P2RX5: variants seen among roughly 807,000 people sequenced by gnomAD.
P2RX5 encodes the protein P2X purinoceptor 5.
A neutral mutation model predicts 54.1 loss-of-function variants in P2RX5; 46 were observed. The observed-to-expected ratio is 0.85, with a 90% CI of 0.67 to 1.09. The LOEUF is 1.09. Ranked by LOEUF, P2RX5 falls within the 50% of genes least tolerant of loss-of-function variation. The probability of loss-of-function intolerance (pLI) is 0.00; values close to 1 mark genes in which losing one functional copy is unlikely to be tolerated. For synonymous variants in P2RX5, 226 were observed against 226.4 expected (o/e 1.00, Z 0.02); for missense variants, 566 against 549.8 (o/e 1.03, Z -0.29).
the P2RX5 span, chr17:3,720,318 G>A: frequency 6.4e-7 from 1 of 1,552,598 alleles, no homozygotes; most frequent in African/African-American, 1.4e-5. Context: ...TTAGTTCTGT[G>A]GTTCTCTGCA....
the P2RX5 span, chr17:3,717,762 A>G: frequency 1.3e-5 from 2 of 152,198 alleles, no homozygotes; most frequent in Non-Finnish European, 2.9e-5. Context: ...TTCCAGTCCT[A>G]TTTAGCTCAT....
chr17:3,683,597 G>C (rs1478795056), intron 9 of P2RX5, among the ~76,000 whole-genome samples: 1 of 152,190 alleles, frequency 6.6e-6, no homozygotes, highest in Non-Finnish European at 1.5e-5. Flanking sequence ...GGGCGCGGTG[G>C]CGCACGCCTG....
Position 3,680,958 on chromosome 17 carries a change from A to T in P2RX5, c.1064+938T>A, listed in dbSNP as rs1372225703. 1.3e-4 allele frequency among the ~76,000 whole-genome samples: 9 copies of T among 71,174 alleles called. 1 individual carries two copies. The highest frequency in any genetic ancestry group is 1.4e-4 in the Non-Finnish European group (5 of 35,906). The allele number at this position is 71,174 out of a possible 152,430, so 46.7% of individuals were successfully genotyped here. On this transcript the variant is annotated intron_variant, in intron 10 of 11. Coordinates refer to ENST00000225328, the MANE Select transcript of P2RX5 (RefSeq NM_002561.4). ...ATCCTCCACCCTGCGTCCTCCACCC[A>T]GCGTCCTCCACCCTGCATCCTCCAC...
intron 1 of P2RX5, 137 bp downstream of exon 1, chr17:3,695,732 C>T (rs1472131651): frequency 9.7e-7 from 1 of 1,027,834 alleles, no homozygotes; most frequent in African/African-American, 1.6e-5. Flanking sequence ...ACCCCCACAG[C>T]AAGCAGGCTC....
the P2RX5 span, among the ~76,000 whole-genome samples, chr17:3,719,734 T>G: frequency 6.6e-6 from 1 of 152,184 alleles, no homozygotes; most frequent in Non-Finnish European, 1.5e-5. Context: ...TTTATTTATT[T>G]ATTTATTTTT....
chr17:3,695,824 G>T (rs1190712987), intron 1 of P2RX5, 45 bp downstream of exon 1: 9 of 820,386 alleles, frequency 1.1e-5, no homozygotes, highest in African/African-American at 1.7e-5. Flanking sequence ...GCTGGCACCC[G>T]CCCTGCCCCT....
At chr17:3,693,192 A>C (rs12450224) in intron 1 of P2RX5, among the ~76,000 whole-genome samples, 56,749 of 150,524 alleles carry the variant, frequency 0.38, 11,142 homozygotes, top group Non-Finnish European at 0.43. Context: ...TGAAAAGATG[A>C]CAAACACCAT....
intron 9 of P2RX5, among the ~76,000 whole-genome samples, chr17:3,683,707 G>A (rs2050350675): frequency 6.7e-6 from 1 of 148,758 alleles, no homozygotes; most frequent in South Asian, 2.1e-4. Context: ...TCCAGCCTGG[G>A]CGACAGAGTG....
chr17:3,680,751 GTCCTCCACCCTGCA>G (rs2050248602), intron 10 of P2RX5, among the ~76,000 whole-genome samples: 5 of 60,218 alleles, frequency 8.3e-5, no homozygotes, highest in African/African-American at 3.4e-4. Flanking sequence ...TCCACCCAGC[GTCCTCCACCCTGCA>G]TCCTCCACCC....
chr17:3,683,018 C>T (rs2050328832), intron 9 of P2RX5: 1 of 152,182 alleles, frequency 6.6e-6, no homozygotes, highest in African/African-American at 2.4e-5. Flanking sequence ...AAGAGCAAAA[C>T]TCCATCTCAA....
chr17:3,676,350 C>A (rs990565234), intron 11 of P2RX5: 6 of 985,364 alleles, frequency 6.1e-6, no homozygotes, highest in Non-Finnish European at 7.2e-6. Context: ...TAAGAAACCA[C>A]ACGAGTTTTC....
the P2RX5 span, among the ~76,000 whole-genome samples, chr17:3,703,107 G>A: frequency 1.3e-5 from 2 of 152,198 alleles, no homozygotes; most frequent in African/African-American, 4.8e-5. Context: ...CCCCACACCA[G>A]TATCTGTTCC....
At chr17:3,717,467 T>C in the P2RX5 span, 1 of 152,332 alleles carries the variant, frequency 6.6e-6, no homozygotes, top group East Asian at 1.9e-4. Context: ...GGGAGTCTAA[T>C]CTCTCTTCTG....
intron 9 of P2RX5, among the ~76,000 whole-genome samples, chr17:3,683,744 A>T (rs1268961545): frequency 6.8e-6 from 1 of 147,844 alleles, no homozygotes; most frequent in African/African-American, 2.4e-5. Context: ...AAAAAAAAAA[A>T]AAAAGAAAAG....
the P2RX5 span, among the ~76,000 whole-genome samples, chr17:3,704,460 T>G: frequency 6.6e-6 from 1 of 152,188 alleles, no homozygotes; most frequent in Admixed American, 6.5e-5. Context: ...CATATCCCAT[T>G]AATAGACATT....
the P2RX5 span, among the ~76,000 whole-genome samples, chr17:3,704,132 C>T: frequency 6.6e-6 from 1 of 151,540 alleles, no homozygotes; most frequent in Non-Finnish European, 1.5e-5. Context: ...ACCCAAAAAA[C>T]CACACAAAAC....
chr17:3,697,673 C>T (rs777782401), upstream of P2RX5, among the ~76,000 whole-genome samples: 1 of 152,156 alleles, frequency 6.6e-6, no homozygotes, highest in Non-Finnish European at 1.5e-5. Flanking sequence ...TTTTCATTCA[C>T]GAAATCTAAG....
intron 1 of P2RX5, among the ~76,000 whole-genome samples, chr17:3,694,260 C>T (rs977815558): frequency 6.9e-6 from 1 of 145,832 alleles, no homozygotes; most frequent in African/African-American, 2.5e-5. Flanking sequence ...GCATACTATA[C>T]AATTTCATTT....
the P2RX5 span, among the ~76,000 whole-genome samples, chr17:3,721,260 C>CTT: frequency 0.015 from 694 of 46,234 alleles, 107 homozygotes; most frequent in Non-Finnish European, 0.021. Flanking sequence ...GAGATTTTTC[C>CTT]TTTTTTTTTT....
Sources: allele counts gnomAD v4.1 joint callset (sites outside exome capture counted in the v4.1 genomes callset), GRCh38; gene constraint gnomAD v4.1.1; transcripts MANE v1.5; gene names NCBI Gene and HGNC (gene_info 2026-07-23, HGNC 2026-07-21).